The following PPP2R5C variants were observed in gnomAD, a reference collection of about 807,000 sequenced individuals.
PPP2R5C encodes the protein protein phosphatase 2 regulatory subunit B'gamma, also known as serine/threonine-protein phosphatase 2A 56 kDa regulatory subunit gamma isoform.
PPP2R5C carries 7 observed loss-of-function variants against 68.9 expected under a neutral mutation model. The observed-to-expected ratio is 0.10, with a 90% confidence interval of 0.06 to 0.19. The LOEUF (loss-of-function observed/expected upper bound fraction) is 0.19. Ranked by LOEUF, PPP2R5C falls within the 10% of genes least tolerant of loss-of-function variation. The pLI is 1.00. For synonymous variants in PPP2R5C, 210 were observed against 222.2 expected, an observed-to-expected ratio of 0.95 and a Z score of 0.49; for missense variants, 348 against 641.3, an observed-to-expected ratio of 0.54 and a Z score of 4.94.
At chr14:101,892,973 C>G (rs1307513444) in intron 6 of PPP2R5C, 27 bp from the exon 9 acceptor site, 1 of 1,478,094 alleles carries the variant, frequency 6.8e-7, no homozygotes, top group Non-Finnish European at 9.4e-7. Context: ...CGTAAATGTT[C>G]AAACCTAATA....
intron 2 of PPP2R5C, among the ~76,000 whole-genome samples, chr14:101,777,380 C>A (rs1158398003): frequency 6.6e-6 from 1 of 150,842 alleles, no homozygotes; most frequent in Non-Finnish European, 1.5e-5. Flanking sequence ...GACAGAGTCT[C>A]GCTCTGTTGC....
intron 2 of PPP2R5C, among the ~76,000 whole-genome samples, chr14:101,866,250 T>G (rs190543411): frequency 5.8e-4 from 88 of 152,386 alleles, no homozygotes; most frequent in African/African-American, 1.9e-3. Flanking sequence ...GAGAGTTAGT[T>G]AGATTAGTTT....
At chr14:101,763,185 C>T (rs2036646197) in intron 2 of PPP2R5C, among the ~76,000 whole-genome samples, 1 of 151,698 alleles carries the variant, frequency 6.6e-6, no homozygotes, top group Non-Finnish European at 1.5e-5. Flanking sequence ...TTGTGCTTGC[C>T]TATGGGGTTT....
chr14:101,889,715 G>A, intron 5 of PPP2R5C: 1 of 304,730 alleles, frequency 3.3e-6, no homozygotes, highest in Non-Finnish European at 6.3e-6. Flanking sequence ...GCGTGTGGGT[G>A]TCAGTGGGGA....
Position 101,781,996 on chromosome 14 carries a change from A to C in PPP2R5C, c.94-4022A>C, listed in dbSNP as rs1425830961. Among the ~76,000 whole-genome samples the C allele has an allele frequency of 2.9e-5, 4 of 136,230 alleles. No homozygotes were observed. Among genetic ancestry groups the C allele is most frequent in the African/African-American group, 5.6e-5 (2 of 35,814 alleles). The allele number at this position is 136,230 out of a possible 152,430, so 89.4% of individuals were successfully genotyped here. A position where few individuals can be genotyped will look rare whatever the true frequency, so the allele number is the denominator to read the frequency against. ...CTCGCCCTCTCTCTCTCCTTCCCTC[A>C]TTCCCTTCATCCTTCTCTCCCTGTG... On this transcript the variant is annotated intron_variant, in intron 2 of 14. Coordinates refer to the PPP2R5C transcript ENST00000328724. The surrounding 1 kb of genome is among the most constrained non-coding windows in gnomAD (Gnocchi z 6.4).
intron 1 of PPP2R5C, among the ~76,000 whole-genome samples, chr14:101,856,445 C>T (rs1461896149): frequency 1.3e-5 from 2 of 152,192 alleles, no homozygotes; most frequent in Non-Finnish European, 2.9e-5. Context: ...GTGCTCTCAA[C>T]ATGGTTTGAA....
intron 2 of PPP2R5C, among the ~76,000 whole-genome samples, chr14:101,865,613 G>C (rs1379008099): frequency 6.6e-6 from 1 of 152,206 alleles, no homozygotes; most frequent in Non-Finnish European, 1.5e-5. Flanking sequence ...TCTGCTAACT[G>C]TGCTACTTTG....
chr14:101,851,775 GAC>G (rs2042166908), intron 1 of PPP2R5C, among the ~76,000 whole-genome samples: 1 of 151,912 alleles, frequency 6.6e-6, no homozygotes, highest in Admixed American at 6.6e-5. Flanking sequence ...CATTTCTTTT[GAC>G]CACCAAGACT....
rs533713199 is a variant in PPP2R5C, at chr14:101,766,404, A to G, written c.93+3434A>G. 9 of 152,328 alleles carry G rather than the reference A, an allele frequency of 5.9e-5. No homozygotes were observed. The East Asian group carries it at 1.5e-3, about 26-fold the overall frequency. 9.4% of individuals were successfully genotyped at this position (152,328 alleles called of 1,614,324 possible). Reference sequence around the variant, plus strand: ...GTTTTCTCATCCCTAAAATGATTTGATAAGTTTAAGATTAGGCTATTTTTA... The same window carrying G: ...GTTTTCTCATCCCTAAAATGATTTGGTAAGTTTAAGATTAGGCTATTTTTA... On this transcript the variant is annotated intron_variant, in intron 2 of 14. Transcript: ENST00000328724.
upstream of PPP2R5C, chr14:101,760,617 C>T: frequency 1.3e-6 from 1 of 768,468 alleles, no homozygotes; most frequent in Non-Finnish European, 1.5e-6. Context: ...ACGGGACTGT[C>T]GGGTAGGCGG....
intron 1 of PPP2R5C, among the ~76,000 whole-genome samples, chr14:101,811,839 C>T (rs1000832943): frequency 2.0e-5 from 3 of 151,776 alleles, no homozygotes. Flanking sequence ...AATCATTTCA[C>T]GTTGTGTCTT....
chr14:101,900,705 T>A (rs1210267689), intron 8 of PPP2R5C, among the ~76,000 whole-genome samples: 4 of 152,244 alleles, frequency 2.6e-5, no homozygotes, highest in African/African-American at 9.6e-5. Context: ...TACAGGAACA[T>A]ATAAAGAAAG....
In PPP2R5C at chr14:101,763,215, T is replaced by G. The variant is rs536175070; in HGVS notation, c.93+245T>G. ...GGGTTTGTTTGTGGGTCTTTTGGGG[T>G]TTTTTTTGTTTTTTATTTTTTTGAG... On this transcript the variant is annotated intron_variant, in intron 2 of 14. Transcript: ENST00000328724. Among the ~76,000 whole-genome samples the G allele has an allele frequency of 9.2e-5, 14 of 151,442 alleles. No homozygotes were observed. The South Asian group carries it at 2.5e-3, about 27-fold the overall frequency.
intron 2 of PPP2R5C, among the ~76,000 whole-genome samples, chr14:101,876,859 TC>T (rs976949980): frequency 5.9e-5 from 9 of 151,974 alleles, no homozygotes; most frequent in Non-Finnish European, 1.3e-4. Context: ...CATAATGTTT[TC>T]CCATTTAGTA....
chr14:101,829,997 G>A (rs777892265), intron 1 of PPP2R5C, among the ~76,000 whole-genome samples: 7 of 152,032 alleles, frequency 4.6e-5, no homozygotes, highest in African/African-American at 7.3e-5. Context: ...TGTGACCCAA[G>A]TTGTTGCTTA....
At chr14:101,864,308 C>G (rs2042928758) in intron 2 of PPP2R5C, among the ~76,000 whole-genome samples, 1 of 152,166 alleles carries the variant, frequency 6.6e-6, no homozygotes, top group East Asian at 1.9e-4. Context: ...GAGTGGACCT[C>G]TCCAGAAATA....
At chr14:101,911,236 T>C (rs527675333) in intron 11 of PPP2R5C, among the ~76,000 whole-genome samples, 2 of 152,300 alleles carry the variant, frequency 1.3e-5, no homozygotes, top group East Asian at 3.9e-4. Context: ...ATCACGCCAC[T>C]GCACTCCAGC....
intron 1 of PPP2R5C, among the ~76,000 whole-genome samples, chr14:101,826,999 G>C (rs1276242970): frequency 6.2e-5 from 8 of 128,598 alleles, no homozygotes; most frequent in Non-Finnish European, 1.1e-4. Context: ...TTTTTGAGAC[G>C]GAGTCTTGCT....
chr14:101,784,659 G>C lies in PPP2R5C; in HGVS notation c.94-1359G>C, dbSNP rs2038003873. Among the ~76,000 whole-genome samples, 3 of 152,214 alleles carry C rather than the reference G, an allele frequency of 2.0e-5. No homozygotes were observed. In the South Asian group the frequency reaches 6.2e-4, roughly 31 times the overall value. On this transcript the variant is annotated intron_variant, in intron 2 of 14. Transcript: ENST00000328724. Reference sequence around the variant, plus strand: ...TTGACTCGTGGGGATTACAATTTGAGATGAGATTTGGGTGGGGACACAGAA... The same window carrying C: ...TTGACTCGTGGGGATTACAATTTGACATGAGATTTGGGTGGGGACACAGAA...
Sources: allele counts gnomAD v4.1 joint callset (sites outside exome capture counted in the v4.1 genomes callset), GRCh38; gene constraint gnomAD v4.1.1; non-coding constraint Gnocchi (gnomAD v3.1); transcripts MANE v1.5; gene names NCBI Gene and HGNC (gene_info 2026-07-23, HGNC 2026-07-21).